Variants in CCBE1 observed in about 807,000 individuals in gnomAD.
The protein encoded by CCBE1 is collagen and calcium-binding EGF domain-containing protein 1.
In CCBE1, 37 loss-of-function variants were observed where a neutral mutation model predicts 50.0. The ratio of observed to expected loss-of-function variants is 0.74; its 90% CI spans 0.57 to 0.97. The LOEUF (loss-of-function observed/expected upper bound fraction) is 0.97, where lower values mean the gene tolerates loss of function less well. Ranked by LOEUF, CCBE1 falls within the 50% of genes least tolerant of loss-of-function variation. CCBE1 has a pLI of 0.00. For synonymous variants in CCBE1, 234 were observed against 203.7 expected (o/e 1.15, Z -1.27); for missense variants, 538 against 523.8 (o/e 1.03, Z -0.26).
At position 59,434,302 on chromosome 18, in the gene CCBE1, T is replaced by G. The variant is rs1297862921; in HGVS notation, c.*1606A>C. The G allele has an allele frequency of 6.6e-6, 1 of 152,116 alleles. No individual in the cohort carries two copies. Among genetic ancestry groups the G allele is most frequent in the Non-Finnish European group, 1.5e-5 (1 of 68,022 alleles). 9.4% of individuals were successfully genotyped at this position (152,116 alleles called of 1,614,324 possible). ...GGAAAGGACATGGCAGGATGGGAAA[T>G]TCCAACATGAGCTAATATGAGTGTG... On this transcript the variant is annotated 3_prime_UTR_variant, in exon 11 of 11. Coordinates refer to ENST00000439986, the MANE Select transcript of CCBE1 (RefSeq NM_133459.4).
At chr18:59,641,668 T>C (rs2053992684) in intron 2 of CCBE1, among the ~76,000 whole-genome samples, 1 of 152,190 alleles carries the variant, frequency 6.6e-6, no homozygotes, top group African/African-American at 2.4e-5. Context: ...GAGATCACTT[T>C]CTACCAAAGA....
At chr18:59,682,441 A>C (rs1314316546) in intron 2 of CCBE1, among the ~76,000 whole-genome samples, 1 of 152,212 alleles carries the variant, frequency 6.6e-6, no homozygotes, top group Admixed American at 6.5e-5. Flanking sequence ...CATTTTGATA[A>C]AACTTAAGAT....
intron 2 of CCBE1, among the ~76,000 whole-genome samples, chr18:59,687,347 A>G (rs543851743): frequency 2.6e-5 from 4 of 152,330 alleles, no homozygotes; most frequent in African/African-American, 7.2e-5. Flanking sequence ...GAACGTCCAC[A>G]TAACGTTAAA....
At chr18:59,676,496 G>A (rs752885447) in intron 2 of CCBE1, among the ~76,000 whole-genome samples, 4 of 152,094 alleles carry the variant, frequency 2.6e-5, no homozygotes, top group Non-Finnish European at 4.4e-5. Context: ...CTTATATATG[G>A]AATAAAACTA....
chr18:59,655,460 T>A (rs899582993), intron 2 of CCBE1, among the ~76,000 whole-genome samples: 2 of 152,148 alleles, frequency 1.3e-5, no homozygotes, highest in African/African-American at 4.8e-5. Flanking sequence ...CAAGGGCTTA[T>A]TAAAAAAACA....
chr18:59,637,101 A>T (rs1483178741), intron 2 of CCBE1, among the ~76,000 whole-genome samples: 2 of 152,206 alleles, frequency 1.3e-5, no homozygotes, highest in African/African-American at 4.8e-5. Context: ...TCAAGAATGG[A>T]GGTTATGTAA....
intron 2 of CCBE1, among the ~76,000 whole-genome samples, chr18:59,695,647 T>A (rs1313065030): frequency 1.3e-5 from 2 of 152,212 alleles, no homozygotes; most frequent in Non-Finnish European, 2.9e-5. Context: ...ACGCTATGAT[T>A]GATTCACAGG....
At chr18:59,672,499 C>T (rs1001111724) in intron 2 of CCBE1, among the ~76,000 whole-genome samples, 3 of 152,194 alleles carry the variant, frequency 2.0e-5, no homozygotes, top group Non-Finnish European at 4.4e-5. Flanking sequence ...GCCTAGACTA[C>T]TGATTGATGA....
At chr18:59,597,652 G>A (rs542512023) in intron 2 of CCBE1, among the ~76,000 whole-genome samples, 1 of 152,286 alleles carries the variant, frequency 6.6e-6, no homozygotes, top group African/African-American at 2.4e-5. Flanking sequence ...AAGTAGGTCT[G>A]GTATCGGTCA....
At chr18:59,523,617 G>A (rs1003081673) in intron 2 of CCBE1, among the ~76,000 whole-genome samples, 11 of 152,024 alleles carry the variant, frequency 7.2e-5, no homozygotes, top group Admixed American at 1.3e-4. Context: ...ACCTTATAAC[G>A]AATTAGCACT....
At chr18:59,543,266 C>G (rs1462043361) in intron 2 of CCBE1, among the ~76,000 whole-genome samples, 1 of 152,202 alleles carries the variant, frequency 6.6e-6, no homozygotes, top group Non-Finnish European at 1.5e-5. Flanking sequence ...TGAAGAAATC[C>G]TGCTAACGAA....
intron 5 of CCBE1, chr18:59,462,327 T>G (rs1911524528): frequency 6.6e-6 from 1 of 152,246 alleles, no homozygotes; most frequent in African/African-American, 2.4e-5. Flanking sequence ...TGATGCTAAG[T>G]TGATATTTTC....
chr18:59,508,568 G>A (rs1224136136), intron 2 of CCBE1, among the ~76,000 whole-genome samples: 2 of 152,072 alleles, frequency 1.3e-5, no homozygotes, highest in East Asian at 3.9e-4. Context: ...CTATACTCTA[G>A]CCTGGGCAAA....
At chr18:59,499,374 C>T (rs539094923) in intron 2 of CCBE1, among the ~76,000 whole-genome samples, 94 of 152,210 alleles carry the variant, frequency 6.2e-4, no homozygotes, top group African/African-American at 2.1e-3. Context: ...CAATAAATGA[C>T]ACCAGGTGTA....
chr18:59,480,351 G>T, intron 2 of CCBE1, 113 bp from the exon 3 acceptor site: 1 of 744,460 alleles, frequency 1.3e-6, no homozygotes, highest in Non-Finnish European at 2.3e-6. Context: ...GAGGCATAAA[G>T]CAAAGTAGGG....
At chr18:59,469,961 G>C (rs1911950557) in intron 3 of CCBE1, among the ~76,000 whole-genome samples, 1 of 152,154 alleles carries the variant, frequency 6.6e-6, no homozygotes, top group Non-Finnish European at 1.5e-5. Flanking sequence ...TGTAGAGGCA[G>C]GTGACTCCAC....
chr18:59,506,809 T>C (rs1009491099), intron 2 of CCBE1, among the ~76,000 whole-genome samples: 3 of 152,216 alleles, frequency 2.0e-5, no homozygotes, highest in African/African-American at 7.2e-5. Context: ...AGATTAAATT[T>C]ACAACTATCA....
At chr18:59,508,615 AAAAAAG>A (rs1235130694) in intron 2 of CCBE1, among the ~76,000 whole-genome samples, 2 of 152,100 alleles carry the variant, frequency 1.3e-5, no homozygotes, top group African/African-American at 4.8e-5. Context: ...AAGAAAAGTA[AAAAAAG>A]AAAAAGAAAC....
chr18:59,534,312 C>G (rs974635132), intron 2 of CCBE1, among the ~76,000 whole-genome samples: 1 of 152,178 alleles, frequency 6.6e-6, no homozygotes, highest in Non-Finnish European at 1.5e-5. Flanking sequence ...TGTATTGAAT[C>G]CCAAATCTGT....
Sources: allele counts gnomAD v4.1 joint callset (sites outside exome capture counted in the v4.1 genomes callset), GRCh38; gene constraint gnomAD v4.1.1; transcripts MANE v1.5; gene names NCBI Gene and HGNC (gene_info 2026-07-23, HGNC 2026-07-21).